Variants in SKA2 observed in about 807,000 individuals in gnomAD.
The protein encoded by SKA2 is spindle and kinetochore associated complex subunit 2, also known as spindle and kinetochore-associated protein 2.
Under a neutral mutation model 16.9 loss-of-function variants are expected in SKA2, and 13 were observed. The observed-to-expected ratio is 0.77, with a 90% CI of 0.50 to 1.22. The LOEUF (loss-of-function observed/expected upper bound fraction) is 1.22. SKA2 is among the 50% of genes most tolerant of loss of function. The probability of loss-of-function intolerance (pLI) is 0.00; values close to 1 mark genes in which losing one functional copy is unlikely to be tolerated. For missense variants in SKA2, 107 were observed against 139.7 expected (o/e 0.77, Z 1.18); for synonymous variants, 47 against 48.5 (o/e 0.97, Z 0.13).
At chr17:59,144,384 A>G (rs1043380230) in intron 1 of SKA2, among the ~76,000 whole-genome samples, 1 of 152,198 alleles carries the variant, frequency 6.6e-6, no homozygotes, top group Non-Finnish European at 1.5e-5. Flanking sequence ...TAGAATTACC[A>G]TATTATCCAC....
At chr17:59,145,344 G>C (rs1219117255) in intron 1 of SKA2, among the ~76,000 whole-genome samples, 1 of 152,124 alleles carries the variant, frequency 6.6e-6, no homozygotes, top group African/African-American at 2.4e-5. Context: ...CCTCTCAACA[G>C]TATACTGCAA....
At chr17:59,129,916 G>GGAGGGAAGGAAGGAAGGAAGGAGAGAAA (rs1188684247) in intron 2 of SKA2, among the ~76,000 whole-genome samples, 3 of 130,130 alleles carry the variant, frequency 2.3e-5, no homozygotes, top group Non-Finnish European at 3.3e-5. Context: ...AGGGAGGGAG[G>GGAGGGAAGGAAGGAAGGAAGGAGAGAAA]GAGGGAAGGA....
intron 2 of SKA2, among the ~76,000 whole-genome samples, chr17:59,123,478 A>ACCTG (rs2046350742): frequency 6.6e-6 from 1 of 151,036 alleles, no homozygotes; most frequent in African/African-American, 2.4e-5. Flanking sequence ...AATCGCTTGA[A>ACCTG]CCTGGGAGGC....
intron 1 of SKA2, among the ~76,000 whole-genome samples, chr17:59,139,558 C>T (rs2147813262): frequency 6.6e-6 from 1 of 151,848 alleles, no homozygotes; most frequent in South Asian, 2.1e-4. Context: ...CTATGTTGCC[C>T]AGGCTAGTCT....
chr17:59,143,719 C>T (rs914546796), intron 1 of SKA2, among the ~76,000 whole-genome samples: 4 of 151,914 alleles, frequency 2.6e-5, no homozygotes, highest in Non-Finnish European at 4.4e-5. Context: ...GTGATCCTCT[C>T]GCCACGGCCT....
chr17:59,125,407 A>T (rs1457572991), intron 2 of SKA2, among the ~76,000 whole-genome samples: 1 of 151,876 alleles, frequency 6.6e-6, no homozygotes, highest in Non-Finnish European at 1.5e-5. Flanking sequence ...TGGATGATAA[A>T]AGGTTACAAG....
chr17:59,127,691 A>AT (rs973683590), intron 2 of SKA2, among the ~76,000 whole-genome samples: 23 of 149,112 alleles, frequency 1.5e-4, no homozygotes, highest in South Asian at 4.3e-4. Context: ...CCAGCCCACA[A>AT]TTTTTTTTTT....
At chr17:59,129,042 A>G (rs547659616) in intron 2 of SKA2, among the ~76,000 whole-genome samples, 1 of 152,288 alleles carries the variant, frequency 6.6e-6, no homozygotes, top group African/African-American at 2.4e-5. Context: ...TGTCTTTCAA[A>G]ACAGTACTTG....
chr17:59,142,336 G>A (rs1299932424), intron 1 of SKA2, among the ~76,000 whole-genome samples: 3 of 150,350 alleles, frequency 2.0e-5, no homozygotes, highest in African/African-American at 7.3e-5. Flanking sequence ...TGTTGCCCAG[G>A]CTGGAGTGCA....
At chr17:59,142,855 A>G (rs903150277) in intron 1 of SKA2, among the ~76,000 whole-genome samples, 1 of 149,284 alleles carries the variant, frequency 6.7e-6, no homozygotes, top group African/African-American at 2.5e-5. Context: ...TGAACCTGGA[A>G]GGCAGAGGTT....
At chr17:59,154,831 C>G in intron 1 of SKA2, 1 of 1,011,186 alleles carries the variant, frequency 9.9e-7, no homozygotes, top group East Asian at 2.4e-5. Flanking sequence ...AGAATGCGGT[C>G]TGCACCCGGC....
At chr17:59,129,722 G>C (rs1414853481) in intron 2 of SKA2, among the ~76,000 whole-genome samples, 1 of 151,814 alleles carries the variant, frequency 6.6e-6, no homozygotes, top group East Asian at 1.9e-4. Context: ...GAGCATGGTA[G>C]CCTGCGCCTG....
chr17:59,122,381 G>A (rs1382316230), intron 2 of SKA2, among the ~76,000 whole-genome samples: 1 of 152,058 alleles, frequency 6.6e-6, no homozygotes, highest in Non-Finnish European at 1.5e-5. Flanking sequence ...GAGACCAAGA[G>A]GGGCAGATCA....
At chr17:59,125,803 T>C (rs939381497) in intron 2 of SKA2, among the ~76,000 whole-genome samples, 6 of 152,146 alleles carry the variant, frequency 3.9e-5, no homozygotes, top group Non-Finnish European at 8.8e-5. Flanking sequence ...ATTAAGTCTT[T>C]TGAAAGAAAC....
chr17:59,129,845 G>A (rs2046398670), intron 2 of SKA2, among the ~76,000 whole-genome samples: 1 of 143,360 alleles, frequency 7.0e-6, no homozygotes, highest in African/African-American at 2.6e-5. Context: ...ACAGAAGGAA[G>A]GGAAAGGAAG....
rs1398815926 is a variant in SKA2, at chr17:59,117,059, C to T, written c.297+2260G>A. Among the ~76,000 whole-genome samples the T allele has an allele frequency of 2.6e-5, 4 of 152,086 alleles. No individual in the cohort carries two copies. The East Asian group carries it at 5.8e-4, about 22-fold the overall frequency. ...CTCGATCTCCTGGCCTCGTAATCCT[C>T]CCTCCTCGGCCTCCCAAAGTGCTGG... is the stretch of plus-strand genomic sequence containing the variant. On this transcript the variant is annotated intron_variant, in intron 3 of 3. Transcript: ENST00000330137.
At chr17:59,153,709 C>T (rs904173315) in intron 1 of SKA2, among the ~76,000 whole-genome samples, 1 of 152,046 alleles carries the variant, frequency 6.6e-6, no homozygotes, top group African/African-American at 2.4e-5. Flanking sequence ...AGCAGTAATG[C>T]CAGGGAATGG....
chr17:59,118,867 C>G (rs2046314099), intron 3 of SKA2, among the ~76,000 whole-genome samples: 1 of 152,188 alleles, frequency 6.6e-6, no homozygotes. Flanking sequence ...TTCAAAGTAT[C>G]TTAAGCCAAA....
chr17:59,154,043 T>C (rs765920696), intron 1 of SKA2, among the ~76,000 whole-genome samples: 2 of 151,440 alleles, frequency 1.3e-5, no homozygotes, highest in African/African-American at 2.4e-5. Flanking sequence ...GTGCCGGGAT[T>C]ACAGGCGTGA....
Sources: gnomAD v4.1 joint callset for allele counts (sites outside exome capture counted in the v4.1 genomes callset) on GRCh38, gnomAD v4.1.1 for gene constraint, MANE v1.5 for transcripts, NCBI Gene and HGNC (gene_info 2026-07-23, HGNC 2026-07-21) for gene names.